DNAH11: variants seen among roughly 807,000 people sequenced by gnomAD.
The protein encoded by DNAH11 is dynein axonemal heavy chain 11.
DNAH11 carries 442 observed loss-of-function variants against 526.0 expected under a neutral mutation model. That is an observed-to-expected ratio of 0.84 (90% CI 0.78 to 0.91). The LOEUF (loss-of-function observed/expected upper bound fraction) is 0.91, where lower values mean the gene tolerates loss of function less well. Among genes scored for constraint, DNAH11 ranks in the 40% least tolerant of loss-of-function variants. The pLI is 0.00. For synonymous variants in DNAH11, 2,461 were observed against 1,935.9 expected (o/e 1.27, Z -7.12); for missense variants, 6,989 against 5,448.7 (o/e 1.28, Z -8.90).
intron 26 of DNAH11, 118 bp downstream of exon 26, chr7:21,636,213 CTT>C: frequency 2.4e-6 from 2 of 827,394 alleles, no homozygotes; most frequent in East Asian, 2.7e-5. Flanking sequence ...AGTCAGGAGA[CTT>C]TTCCTGCAAA....
chr7:21,631,127 A>C (rs1786583545), intron 25 of DNAH11, among the ~76,000 whole-genome samples: 1 of 152,180 alleles, frequency 6.6e-6, no homozygotes, highest in South Asian at 2.1e-4. Flanking sequence ...CAAGAGAAGA[A>C]AGCTTGTGCA....
In DNAH11 at chr7:21,707,662, G is replaced by C. The variant is rs138497967; in HGVS notation, c.6547-37G>C. ...TTTACTTTCCATTTGGCTTATGTTA[G>C]TATTAATTTTTTTGGCTCTTTCCTC... On this transcript the variant is annotated intron_variant, in intron 39 of 81. Transcript: ENST00000409508. 7.6e-4 allele frequency: 1,211 copies of C among 1,598,642 alleles called. 8 individuals carry two copies. In the African/African-American group the frequency reaches 0.015, roughly 19 times the overall value.
In DNAH11 at chr7:21,697,013, G is replaced by A. The variant is rs59071262; in HGVS notation, c.6042-1062G>A. ...TAATAACTGTGTGAAAAAATATGGGGTTAGTTTAGATAGAAGAGATATAGA... is the reference window on the plus strand; with the variant it reads ...TAATAACTGTGTGAAAAAATATGGGATTAGTTTAGATAGAAGAGATATAGA... On this transcript the variant is annotated intron_variant, in intron 35 of 81. Coordinates refer to ENST00000409508, the MANE Select transcript of DNAH11 (RefSeq NM_001277115.2). 8.5e-3 allele frequency among the ~76,000 whole-genome samples: 1,290 copies of A among 152,144 alleles called. 104 individuals carry two copies. In the East Asian group the frequency reaches 0.2, roughly 23 times the overall value.
chr7:21,883,330 C>G (rs1784002407), intron 75 of DNAH11, among the ~76,000 whole-genome samples: 1 of 152,158 alleles, frequency 6.6e-6, no homozygotes. Context: ...TTTTGCAAAC[C>G]CAGAAGAAGC....
At position 21,838,106 on chromosome 7, in the gene DNAH11, C is replaced by A. The variant is rs1269938258; in HGVS notation, c.10692-4438C>A. ...CTGCTTGTGAGATCATTTTGGAAAT[C>A]CTTGGAAAGAGGAAACTCAAATAAT... On this transcript the variant is annotated intron_variant, in intron 65 of 81. Transcript: ENST00000409508. Among the ~76,000 whole-genome samples the A allele has an allele frequency of 2.6e-5, 4 of 152,148 alleles. No individual in the cohort carries two copies. The South Asian group carries it at 8.3e-4, about 32-fold the overall frequency.
intron 25 of DNAH11, among the ~76,000 whole-genome samples, chr7:21,622,032 C>G (rs368315854): frequency 1.8e-4 from 28 of 151,972 alleles, no homozygotes; most frequent in Non-Finnish European, 3.1e-4. Context: ...TCAAATTGTC[C>G]CTGTTTGCAG....
rs372149143 is a variant in DNAH11, at chr7:21,564,130, T to TGG, written c.983-56_983-55insGG. The TGG allele has an allele frequency of 6.1e-5, 78 of 1,277,322 alleles. No homozygotes were observed. In the African/African-American group the frequency reaches 1.1e-3, roughly 18 times the overall value. The allele number at this position is 1,277,322 out of a possible 1,614,324, so 79.1% of individuals were successfully genotyped here. A position where few individuals can be genotyped will look rare whatever the true frequency, so the allele number is the denominator to read the frequency against. On this transcript the variant is annotated intron_variant, in intron 5 of 81. Transcript: ENST00000409508. Reference sequence around the variant, plus strand: ...CTCTCTTCTACATGTAAAGTGAATTTAGAAAAAAAAAAAAAACAAACCAGA... The same window carrying TGG: ...CTCTCTTCTACATGTAAAGTGAATTTGGAGAAAAAAAAAAAAAACAAACCAGA...
At chr7:21,793,553 C>G (rs1311667784) in intron 61 of DNAH11, among the ~76,000 whole-genome samples, 2 of 150,292 alleles carry the variant, frequency 1.3e-5, no homozygotes, top group Non-Finnish European at 2.9e-5. Flanking sequence ...GAGGTGAAGG[C>G]TGCAGGGAGC....
At chr7:21,559,565 T>A in intron 3 of DNAH11, 38 bp from the exon 4 acceptor site, 1 of 1,477,078 alleles carries the variant, frequency 6.8e-7, no homozygotes, top group Non-Finnish European at 9.2e-7. Flanking sequence ...GATAAAATGA[T>A]TCATCTTTGA....
At chr7:21,777,398 G>GT (rs1156260738) in intron 56 of DNAH11, among the ~76,000 whole-genome samples, 3,849 of 146,684 alleles carry the variant, frequency 0.026, 130 homozygotes, top group African/African-American at 0.081. Flanking sequence ...CCGTGTACAG[G>GT]TTTTTTTTTT....
Position 21,564,299 on chromosome 7 carries a change from C to T in DNAH11, c.1096C>T (p.His366Tyr). Reference protein sequence around the residue: ...QTRILIAPLFHTICLIWSHSK... With the variant: ...QTRILIAPLFYTICLIWSHSK... ...ACGCATATTAATCGCTCCATTATTTCATACCATCTGTCTGATCTGGAGTCA... is the reference window on the plus strand; with the variant it reads ...ACGCATATTAATCGCTCCATTATTTTATACCATCTGTCTGATCTGGAGTCA... The change falls in exon 6 of 82, where the codon CAT becomes TAT. Residue 366 changes from histidine (H) to tyrosine (Y), a missense_variant. Transcript: ENST00000409508. 2.5e-6 allele frequency: 4 copies of T among 1,613,712 alleles called. No individual in the cohort carries two copies. The highest frequency in any genetic ancestry group is 3.4e-6 in the Non-Finnish European group (4 of 1,179,760).
At chr7:21,631,023 A>G (rs1786578537) in intron 25 of DNAH11, among the ~76,000 whole-genome samples, 1 of 152,148 alleles carries the variant, frequency 6.6e-6, no homozygotes, top group African/African-American at 2.4e-5. Flanking sequence ...CAATTTACAA[A>G]AGAAAGAGGT....
At chr7:21,652,493 C>T (rs1002012737) in intron 28 of DNAH11, among the ~76,000 whole-genome samples, 5 of 152,194 alleles carry the variant, frequency 3.3e-5, no homozygotes, top group African/African-American at 7.2e-5. Context: ...TTTTCTGCAA[C>T]GAAGACTGTT....
chr7:21,887,241 T>C (rs184187297), intron 76 of DNAH11, among the ~76,000 whole-genome samples: 66 of 152,314 alleles, frequency 4.3e-4, no homozygotes, highest in Non-Finnish European at 6.3e-4. Flanking sequence ...AGTGAGTTTC[T>C]TGTTGAATAA....
At chr7:21,593,730 C>T (rs1784771444) in intron 14 of DNAH11, among the ~76,000 whole-genome samples, 1 of 151,952 alleles carries the variant, frequency 6.6e-6, no homozygotes, top group Non-Finnish European at 1.5e-5. Flanking sequence ...CTTGTTGTTA[C>T]TATTTCTTAA....
At chr7:21,571,183 T>C (rs768086311) in intron 7 of DNAH11, among the ~76,000 whole-genome samples, 6 of 152,182 alleles carry the variant, frequency 3.9e-5, no homozygotes, top group Non-Finnish European at 8.8e-5. Flanking sequence ...TTTTGGATAT[T>C]ACCTGGGGAT....
intron 79 of DNAH11, among the ~76,000 whole-genome samples, chr7:21,898,255 T>C (rs1208827899): frequency 6.6e-6 from 1 of 152,200 alleles, no homozygotes. Context: ...TGCTGTTTCT[T>C]CTTCTTATCG....
chr7:21,859,260 C>T (rs1782966749), intron 68 of DNAH11, among the ~76,000 whole-genome samples: 1 of 152,090 alleles, frequency 6.6e-6, no homozygotes, highest in South Asian at 2.1e-4. Context: ...ACTACAGGCA[C>T]CCACCACCAT....
At chr7:21,717,957 A>G (rs771349485) in intron 43 of DNAH11, 32 bp downstream of exon 43, 3 of 1,588,014 alleles carry the variant, frequency 1.9e-6, no homozygotes, top group African/African-American at 1.3e-5. Flanking sequence ...TTAACGTTCT[A>G]GTTCTGATGC....
Sources: gnomAD v4.1 joint callset for allele counts (sites outside exome capture counted in the v4.1 genomes callset) on GRCh38, gnomAD v4.1.1 for gene constraint, MANE v1.5 for transcripts, NCBI Gene and HGNC (gene_info 2026-07-23, HGNC 2026-07-21) for gene names.